KIF14: variants seen among roughly 807,000 people sequenced by gnomAD.
The protein encoded by KIF14 is kinesin family member 14.
KIF14 carries 98 observed loss-of-function variants against 176.2 expected under a neutral mutation model. The ratio of observed to expected loss-of-function variants is 0.56; its 90% CI spans 0.47 to 0.66. The LOEUF (loss-of-function observed/expected upper bound fraction) is 0.66, where lower values mean the gene tolerates loss of function less well. Among genes scored for constraint, KIF14 ranks in the 30% least tolerant of loss-of-function variants. KIF14 has a pLI of 0.00. For synonymous variants in KIF14, 566 were observed against 632.2 expected (o/e 0.90, Z 1.57); for missense variants, 1,751 against 1,920.4 (o/e 0.91, Z 1.65).
chr1:200,600,027 A>C, intron 13 of KIF14, 23 bp downstream of exon 13: 2 of 1,336,640 alleles, frequency 1.5e-6, no homozygotes, highest in Non-Finnish European at 2.1e-6. Context: ...TTTTCTAATC[A>C]GTTTAGAAAG....
chr1:200,608,732 A>G, intron 5 of KIF14, 98 bp downstream of exon 5: 1 of 682,266 alleles, frequency 1.5e-6, no homozygotes, highest in East Asian at 2.8e-5. Flanking sequence ...ATATAATTCT[A>G]GTAAAACTTT....
Position 200,600,404 on chromosome 1 carries a change from A to G in KIF14, c.2252T>C (p.Leu751Ser). The G allele has an allele frequency of 6.2e-7, 1 of 1,613,854 alleles. No homozygotes were observed. The highest frequency in any genetic ancestry group is 1.1e-5 in the South Asian group (1 of 91,074). Residue 751 changes from leucine (L) to serine (S), a missense_variant, in exon 12 of 30, where the codon TTA becomes TCA. Leu to Ser is a moderately radical substitution (Grantham distance 145). Transcript: ENST00000367350. ...CTCCTGTTGATGCAGTTTCATTCTT[A>G]AGGATGTTATTTCTTGCCGACAGAG... The part of the protein sequence containing the change: ...YRLCRQEITS[L>S]RMKLHQQERD...
At chr1:200,554,961 T>C (rs530691193) in intron 28 of KIF14, among the ~76,000 whole-genome samples, 64 of 152,288 alleles carry the variant, frequency 4.2e-4, no homozygotes, top group African/African-American at 1.5e-3. Context: ...TTTCAAGCCA[T>C]AGCAATTACT....
In KIF14 at chr1:200,618,356, C is replaced by G; in HGVS notation, c.368G>C (p.Arg123Pro). 6.2e-7 allele frequency: 1 copy of G among 1,614,088 alleles called. No individual in the cohort carries two copies. Among genetic ancestry groups the G allele is most frequent in the Non-Finnish European group, 8.5e-7 (1 of 1,180,032 alleles). ...TTCTGCAGAATCTGTTTTAGCACGACGTTGTAATGTAAGACGTGTTTCTGC... is the reference window on the plus strand; with the variant it reads ...TTCTGCAGAATCTGTTTTAGCACGAGGTTGTAATGTAAGACGTGTTTCTGC... The part of the protein sequence containing the change: ...KTAETRLTLQ[R>P]RAKTDSAEKW... Residue 123 changes from arginine to proline, a missense_variant, in exon 2 of 30, where the codon CGT becomes CCT. Physicochemically the swap from Arg to Pro is moderately radical, Grantham distance 103 (BLOSUM62 -2). Transcript: ENST00000367350.
At chr1:200,617,368 T>A (rs565621980) in intron 2 of KIF14, among the ~76,000 whole-genome samples, 5 of 152,354 alleles carry the variant, frequency 3.3e-5, no homozygotes, top group Admixed American at 3.3e-4. Flanking sequence ...TCAGACTTTT[T>A]AAAAGCAATA....
At position 200,565,218 on chromosome 1, in the gene KIF14, T is replaced by C. The variant is rs758293980; in HGVS notation, c.3922A>G (p.Ile1308Val). 4.3e-6 allele frequency: 7 copies of C among 1,611,256 alleles called. No individual in the cohort carries two copies. In the East Asian group the frequency reaches 1.1e-4, roughly 26 times the overall value. The change falls in exon 25 of 30, where the codon ATT becomes GTT. Residue 1308 changes from isoleucine (I) to valine (V), a missense_variant. Transcript: ENST00000367350. ...SSDRAIQSLT[I>V]QTACAFEQLV... The stretch of plus-strand genomic sequence containing the variant: ...TGCTCAAAAGCACATGCAGTCTGAA[T>C]AGTAAGTGACTGGATTGCTCGATCA...
intron 23 of KIF14, among the ~76,000 whole-genome samples, chr1:200,566,642 G>A (rs1040647109): frequency 6.6e-6 from 1 of 151,194 alleles, no homozygotes; most frequent in African/African-American, 2.4e-5. Context: ...GCCCAGGCTG[G>A]AATGCAGTGG....
rs906955041 is a variant in KIF14 at position 200,591,026 on chromosome 1, C to CA, written c.2814-755dup. Among the ~76,000 whole-genome samples the CA allele has an allele frequency of 4.2e-4, 60 of 141,428 alleles. 1 individual carries two copies. Among genetic ancestry groups the CA allele is most frequent in the Non-Finnish European group, 6.4e-4 (42 of 65,198 alleles). The allele number at this position is 141,428 out of a possible 152,430, so 92.8% of individuals were successfully genotyped here. The stretch of plus-strand genomic sequence containing the variant: ...TAGACGACAGAGCCAGACTCCATCT[C>CA]AAAAAAAAACCAAAAAACAAACAAA... On this transcript the variant is annotated intron_variant, in intron 16 of 29. Transcript: ENST00000367350.
rs1214112896 is a variant in KIF14, at chr1:200,593,535, G to GTT, written c.2652+131_2652+132insAA. The GTT allele has an allele frequency of 2.2e-4, 148 of 663,652 alleles. 3 individuals are homozygous for GTT. In the South Asian group the frequency reaches 2.6e-3, roughly 12 times the overall value. 41.1% of individuals were successfully genotyped at this position (663,652 alleles called of 1,614,324 possible). ...ACAAGAAAGCAATTAATAGGAAAAA[G>GTT]AATTTTTGAAATGAAAAAGTCCTTA... On this transcript the variant is annotated intron_variant, in intron 15 of 29. Transcript: ENST00000367350.
chr1:200,565,115 C>T lies in KIF14; in HGVS notation c.4025G>A (p.Arg1342Lys), dbSNP rs367808754. 1.3e-5 allele frequency: 21 copies of T among 1,612,840 alleles called. No homozygotes were observed. In the African/African-American group the frequency reaches 2.1e-4, roughly 16 times the overall value. The change falls in exon 25 of 30, where the codon AGA (arginine) becomes AAA (lysine). Residue 1342 changes from arginine (R) to lysine (K), a missense_variant. Transcript: ENST00000367350. Reference protein sequence around the residue: ...TNIARLEDELRQEVKKLGGYL... With the variant: ...TNIARLEDELKQEVKKLGGYL... ...GCCTCCCAGTTTTTTAACTTCTTGT[C>T]TCAACTCATCCTCAAGTCTTGCTAT...
rs751632922 is a variant in KIF14, at chr1:200,601,906, C to G, written c.2142G>C (p.Lys714Asn). 1.2e-6 allele frequency: 2 copies of G among 1,607,120 alleles called. No individual in the cohort carries two copies. Among genetic ancestry groups the G allele is most frequent in the South Asian group, 2.2e-5 (2 of 89,280 alleles). Residue 714 changes from lysine to asparagine, a missense_variant, in exon 11 of 30, where the codon AAG becomes AAC. Physicochemically the swap from Lys to Asn is moderately conservative, Grantham distance 94. Transcript: ENST00000367350. ...TGAGAAAATATTCACCTCTAATTAA[C>G]TTAGCGTTCATATCTTCATTTACTT... ...IAKVNEDMNAKLIRELKAEIA... is the reference protein window; with the variant it reads ...IAKVNEDMNANLIRELKAEIA...
chr1:200,574,199 T>A (rs1252484913), intron 22 of KIF14, among the ~76,000 whole-genome samples: 1 of 152,188 alleles, frequency 6.6e-6, no homozygotes, highest in Non-Finnish European at 1.5e-5. Context: ...TAAATACTAT[T>A]GACCCTTACA....
chr1:200,607,103 T>C (rs2102749431), intron 5 of KIF14, among the ~76,000 whole-genome samples: 1 of 127,378 alleles, frequency 7.9e-6, no homozygotes, highest in South Asian at 2.8e-4. Context: ...ATTAGAACAA[T>C]ATATTTTAGC....
Position 200,608,871 on chromosome 1 carries a change from G to A in KIF14, c.1513C>T (p.Leu505Phe), listed in dbSNP as rs757870194. Reference protein sequence around the residue: ...FEVYNEKIHDLLVCKDENGQR... With the variant: ...FEVYNEKIHDFLVCKDENGQR... ...CCATTTTCATCTTTACAAACCAGAA[G>A]GTCGTGAATTTTTTCATTATATACT... is the stretch of plus-strand genomic sequence containing the variant. Residue 505 changes from leucine (L) to phenylalanine (F), a missense_variant, in exon 5 of 30, where the codon CTT (leucine) becomes TTT (phenylalanine). Transcript: ENST00000367350. 1.9e-6 allele frequency: 3 copies of A among 1,610,686 alleles called. No homozygotes were observed. The highest frequency in any genetic ancestry group is 1.3e-5 in the African/African-American group (1 of 74,932).
chr1:200,566,546 T>C (rs1410933944), intron 23 of KIF14, among the ~76,000 whole-genome samples: 1 of 150,578 alleles, frequency 6.6e-6, no homozygotes, highest in African/African-American at 2.4e-5. Flanking sequence ...TGAGCCGATA[T>C]GGCACCACTG....
chr1:200,585,597 C>T (rs112385547), intron 19 of KIF14, among the ~76,000 whole-genome samples: 2 of 152,286 alleles, frequency 1.3e-5, no homozygotes, highest in African/African-American at 4.8e-5. Flanking sequence ...TTATAAACAA[C>T]AGCAATTTAT....
In KIF14 at chr1:200,580,397, A is replaced by T; in HGVS notation, c.3336-14T>A. ...GATATATCATGTCTGAAAGAAAAAT[A>T]AACAAAAAAAAGCTTATCCTGAAAC... On this transcript the variant is annotated splice_polypyrimidine_tract_variant and intron_variant, in intron 20 of 29. Transcript: ENST00000367350. 6.9e-7 allele frequency: 1 copy of T among 1,441,384 alleles called. No homozygotes were observed. Among genetic ancestry groups the T allele is most frequent in the Non-Finnish European group, 9.2e-7 (1 of 1,089,972 alleles). 89.3% of individuals were successfully genotyped at this position (1,441,384 alleles called of 1,614,324 possible).
intron 15 of KIF14, among the ~76,000 whole-genome samples, chr1:200,592,921 C>T (rs936028826): frequency 6.6e-5 from 10 of 152,070 alleles, no homozygotes; most frequent in Admixed American, 1.3e-4. Flanking sequence ...TATATCTAAA[C>T]AGAAAAAAAT....
chr1:200,595,873 G>A (rs191296185), intron 14 of KIF14, among the ~76,000 whole-genome samples: 181 of 149,976 alleles, frequency 1.2e-3, no homozygotes, highest in African/African-American at 3.9e-3. Flanking sequence ...TGGAGGTTAC[G>A]GTGAGCCAAG....
Sources: allele counts gnomAD v4.1 joint callset (sites outside exome capture counted in the v4.1 genomes callset), GRCh38; gene constraint gnomAD v4.1.1; transcripts MANE v1.5; gene names NCBI Gene and HGNC (gene_info 2026-07-23, HGNC 2026-07-21).